Variants in AHCYL2 observed in about 807,000 individuals in gnomAD.
AHCYL2 encodes adenosylhomocysteinase like 2, also known as S-adenosylhomocysteine hydrolase-like protein 2.
In AHCYL2, 28 loss-of-function variants were observed where a neutral mutation model predicts 81.4. That is an observed-to-expected ratio of 0.34 (90% CI 0.25 to 0.47). The LOEUF (loss-of-function observed/expected upper bound fraction) is 0.47, where lower values mean the gene tolerates loss of function less well. Among genes scored for constraint, AHCYL2 ranks in the 20% least tolerant of loss-of-function variants. AHCYL2 has a pLI of 1.00. For missense variants in AHCYL2, 551 were observed against 785.1 expected (o/e 0.70, Z 3.56); for synonymous variants, 272 against 290.2 (o/e 0.94, Z 0.64).
chr7:129,283,532 A>T (rs560140941), intron 1 of AHCYL2: 2 of 381,368 alleles, frequency 5.2e-6, no homozygotes, highest in African/African-American at 4.2e-5. Flanking sequence ...TATAGACTAA[A>T]TGGATATATT....
Position 129,232,571 on chromosome 7 carries a change from A to G in AHCYL2, c.363+7132A>G, listed in dbSNP as rs566799817. ...AGTCACTACCCGCCATCCGCCATCCATTATCTTCCCAATACTAATTCCTTT... is the reference window on the plus strand; with the variant it reads ...AGTCACTACCCGCCATCCGCCATCCGTTATCTTCCCAATACTAATTCCTTT... On this transcript the variant is annotated intron_variant, in intron 1 of 16. Coordinates refer to ENST00000325006, the MANE Select transcript of AHCYL2 (RefSeq NM_015328.4). 5.9e-5 allele frequency among the ~76,000 whole-genome samples: 9 copies of G among 152,272 alleles called. No individual in the cohort carries two copies. In the South Asian group the frequency reaches 1.9e-3, roughly 32 times the overall value.
At chr7:129,404,019 A>G (rs974033236) in intron 7 of AHCYL2, among the ~76,000 whole-genome samples, 1 of 151,862 alleles carries the variant, frequency 6.6e-6, no homozygotes, top group Admixed American at 6.6e-5. Context: ...TGAACCTAAA[A>G]TAGTGAGAAG....
At chr7:129,249,224 C>T (rs1164057393) in intron 1 of AHCYL2, among the ~76,000 whole-genome samples, 2 of 152,024 alleles carry the variant, frequency 1.3e-5, no homozygotes, top group African/African-American at 4.8e-5. Flanking sequence ...TGTCGAACTC[C>T]TAGACTCAAG....
chr7:129,294,608 A>G (rs1335228603), intron 1 of AHCYL2, among the ~76,000 whole-genome samples: 1 of 152,174 alleles, frequency 6.6e-6, no homozygotes, highest in Non-Finnish European at 1.5e-5. Context: ...GTCTCTAAAT[A>G]TCTCTCTTTC....
chr7:129,326,646 C>A (rs1263368151), intron 1 of AHCYL2, among the ~76,000 whole-genome samples: 2 of 151,938 alleles, frequency 1.3e-5, no homozygotes, highest in Non-Finnish European at 2.9e-5. Flanking sequence ...TGCTTGACAC[C>A]AGTATATCAG....
rs1399934626 is a variant in AHCYL2 at position 129,409,462 on chromosome 7, C to T, written c.1296-14C>T. On this transcript the variant is annotated splice_polypyrimidine_tract_variant and intron_variant, in intron 10 of 16. Coordinates refer to ENST00000325006, the MANE Select transcript of AHCYL2 (RefSeq NM_015328.4). ...TGCCTGTTTAGGTTAATGGGTCATGCTTTATTTCAACAGTATGGATGGATT... is the reference window on the plus strand; with the variant it reads ...TGCCTGTTTAGGTTAATGGGTCATGTTTTATTTCAACAGTATGGATGGATT... 6.2e-7 allele frequency: 1 copy of T among 1,611,958 alleles called. No homozygotes were observed. Among genetic ancestry groups the T allele is most frequent in the African/African-American group, 1.3e-5 (1 of 74,802 alleles).
intron 1 of AHCYL2, among the ~76,000 whole-genome samples, chr7:129,334,126 G>A (rs1448681814): frequency 6.6e-6 from 1 of 152,150 alleles, no homozygotes; most frequent in Admixed American, 6.5e-5. Context: ...ATCATTTTAA[G>A]CTGTAATTTT....
chr7:129,308,985 C>T (rs1797540560), intron 1 of AHCYL2, among the ~76,000 whole-genome samples: 1 of 152,122 alleles, frequency 6.6e-6, no homozygotes, highest in South Asian at 2.1e-4. Context: ...AATCCCAGCA[C>T]TTTGGGAGGC....
chr7:129,249,450 G>T (rs1029194247), intron 1 of AHCYL2, among the ~76,000 whole-genome samples: 1 of 150,628 alleles, frequency 6.6e-6, no homozygotes, highest in Non-Finnish European at 1.5e-5. Context: ...ACGGAGTCTT[G>T]CTCTGTCGCC....
chr7:129,364,885 G>A (rs145847914), intron 1 of AHCYL2, among the ~76,000 whole-genome samples: 1 of 152,312 alleles, frequency 6.6e-6, no homozygotes, highest in East Asian at 1.9e-4. Flanking sequence ...TCATATAGGT[G>A]TAGTCAGTAA....
intron 1 of AHCYL2, among the ~76,000 whole-genome samples, chr7:129,348,959 TTTTGCTATTTTA>T (rs1793455922): frequency 6.6e-6 from 1 of 152,160 alleles, no homozygotes; most frequent in African/African-American, 2.4e-5. Flanking sequence ...ACCTAAGCTG[TTTTGCTATTTTA>T]TGTTTCTTTC....
intron 1 of AHCYL2, among the ~76,000 whole-genome samples, chr7:129,236,359 C>G (rs969564121): frequency 1.3e-5 from 2 of 151,646 alleles, no homozygotes; most frequent in African/African-American, 4.8e-5. Context: ...TGCCACCACC[C>G]CTAGCTAATT....
intron 1 of AHCYL2, among the ~76,000 whole-genome samples, chr7:129,348,406 A>C (rs1474985270): frequency 1.4e-5 from 2 of 145,572 alleles, no homozygotes; most frequent in African/African-American, 2.5e-5. Flanking sequence ...CCCCCCCCAC[A>C]CACACACATA....
At chr7:129,347,605 G>A (rs1793407495) in intron 1 of AHCYL2, among the ~76,000 whole-genome samples, 1 of 152,096 alleles carries the variant, frequency 6.6e-6, no homozygotes, top group African/African-American at 2.4e-5. Flanking sequence ...TAATGGGAAA[G>A]TTTTGCTTCC....
At chr7:129,289,900 A>G (rs1796775021) in intron 1 of AHCYL2, among the ~76,000 whole-genome samples, 1 of 151,788 alleles carries the variant, frequency 6.6e-6, no homozygotes, top group Admixed American at 6.6e-5. Flanking sequence ...CTCCTGCCTC[A>G]GTCTCCTGAG....
chr7:129,418,557 C>G (rs1796966510), intron 12 of AHCYL2, among the ~76,000 whole-genome samples: 1 of 152,108 alleles, frequency 6.6e-6, no homozygotes, highest in Non-Finnish European at 1.5e-5. Flanking sequence ...CCTCGGCCTC[C>G]CGAAATGCTG....
At chr7:129,375,859 G>C in intron 1 of AHCYL2, 7 of 1,535,970 alleles carry the variant, frequency 4.6e-6, no homozygotes, top group Non-Finnish European at 6.1e-6. Context: ...AGTGGGGCTG[G>C]TAATGTCACT....
chr7:129,236,208 A>T (rs1432608790), intron 1 of AHCYL2, among the ~76,000 whole-genome samples: 2 of 143,386 alleles, frequency 1.4e-5, no homozygotes, highest in African/African-American at 2.6e-5. Context: ...TTTAATTTTA[A>T]TTTTTTTTTT....
intron 1 of AHCYL2, among the ~76,000 whole-genome samples, chr7:129,260,112 C>G (rs1003881376): frequency 1.3e-5 from 2 of 149,428 alleles, no homozygotes; most frequent in African/African-American, 4.9e-5. Flanking sequence ...AAGACAAATT[C>G]TGATTTTTAA....
Sources: gnomAD v4.1 joint callset for allele counts (sites outside exome capture counted in the v4.1 genomes callset) on GRCh38, gnomAD v4.1.1 for gene constraint, MANE v1.5 for transcripts, NCBI Gene and HGNC (gene_info 2026-07-23, HGNC 2026-07-21) for gene names.